The following PIK3R6 variants were observed in gnomAD, a reference collection of about 807,000 sequenced individuals.
PIK3R6 encodes phosphoinositide 3-kinase regulatory subunit 6.
PIK3R6 carries 91 observed loss-of-function variants against 84.9 expected under a neutral mutation model. The observed-to-expected ratio is 1.07, with a 90% CI of 0.90 to 1.28. PIK3R6 has a LOEUF of 1.28. PIK3R6 is among the 50% of genes most tolerant of loss of function. The probability of loss-of-function intolerance (pLI) is 0.00; values close to 1 mark genes in which losing one functional copy is unlikely to be tolerated. For missense variants in PIK3R6, 996 were observed against 985.1 expected, an observed-to-expected ratio of 1.01 and a Z score of -0.15; for synonymous variants, 416 against 411.4, an observed-to-expected ratio of 1.01 and a Z score of -0.13.
intron 1 of PIK3R6, 34 bp from the exon 2 acceptor site, chr17:8,849,919 A>G (rs2088903281): frequency 1.5e-6 from 2 of 1,337,338 alleles, no homozygotes; most frequent in African/African-American, 1.5e-5. Context: ...TAGTGGAAGC[A>G]GTGGGAAGGT....
chr17:8,855,412 ATACTT>A (rs2089111007), intron 1 of PIK3R6, among the ~76,000 whole-genome samples: 1 of 152,198 alleles, frequency 6.6e-6, no homozygotes, highest in South Asian at 2.1e-4. Flanking sequence ...ATCTAAATAA[ATACTT>A]TACTAAAAAA....
At chr17:8,834,931 G>A (rs1232257799) in intron 8 of PIK3R6, among the ~76,000 whole-genome samples, 3 of 151,928 alleles carry the variant, frequency 2.0e-5, no homozygotes, top group African/African-American at 4.8e-5. Flanking sequence ...TCCACTTTCC[G>A]GGTTCAAGCT....
chr17:8,836,896 G>C lies in PIK3R6; in HGVS notation c.286C>G (p.Gln96Glu). 2 of 1,554,976 alleles carry C rather than the reference G, an allele frequency of 1.3e-6. No individual in the cohort carries two copies. Among genetic ancestry groups the C allele is most frequent in the Non-Finnish European group, 1.7e-6 (2 of 1,148,838 alleles). Residue 96 changes from glutamine (Q) to glutamate (E), a missense_variant, in exon 6 of 20, where the codon CAG becomes GAG. Transcript: ENST00000619866. ...KATGITEELY[Q>E]RIYAFCTRLL... ...CTTGTGCAAAAGGCATAGATTCTCT[G>C]GTAGAGCTCTTCTGTGATTCCTGTG...
At chr17:8,863,088 C>T (rs373447458) in intron 1 of PIK3R6, among the ~76,000 whole-genome samples, 2 of 151,946 alleles carry the variant, frequency 1.3e-5, no homozygotes, top group African/African-American at 2.4e-5. Context: ...ATAATTAAAT[C>T]GTATATGATA....
At position 8,862,585 on chromosome 17, in the gene PIK3R6, G is replaced by T. The variant is rs907254532; in HGVS notation, c.-92+4944C>A. ...CCTGGGGGTGGCTGATCTTTCTCGG[G>T]CCGTATCACGGACAGCTAAGGCTGC... On this transcript the variant is annotated intron_variant, in intron 1 of 19. Coordinates refer to ENST00000619866, the MANE Select transcript of PIK3R6 (RefSeq NM_001010855.4). This position sits in a 1 kb window ranked among gnomAD's most constrained non-coding sequence, Gnocchi z 4.3. 1.3e-5 allele frequency among the ~76,000 whole-genome samples: 2 copies of T among 152,114 alleles called. No homozygotes were observed. The highest frequency in any genetic ancestry group is 4.8e-5 in the African/African-American group (2 of 41,426).
At chr17:8,829,017 G>A (rs751753620) in intron 10 of PIK3R6, 27 bp from the exon 11 acceptor site, 1 of 1,488,656 alleles carries the variant, frequency 6.7e-7, no homozygotes, top group East Asian at 2.4e-5. Flanking sequence ...AGGGCGGTGA[G>A]GACACGTGAG....
chr17:8,823,464 G>T lies in PIK3R6; in HGVS notation c.1549C>A (p.Pro517Thr). 1.2e-6 allele frequency: 2 copies of T among 1,612,670 alleles called. No homozygotes were observed. Among genetic ancestry groups the T allele is most frequent in the Non-Finnish European group, 1.7e-6 (2 of 1,179,016 alleles). ...TAGGTGATGACGTCTAGGATGAAGGGGTCCACAGTCCGGGATGTGTCCAGG... is the reference window on the plus strand; with the variant it reads ...TAGGTGATGACGTCTAGGATGAAGGTGTCCACAGTCCGGGATGTGTCCAGG... Reference protein sequence around the residue: ...PSLDTSRTVDPFILDVITYYI... With the variant: ...PSLDTSRTVDTFILDVITYYI... The change falls in exon 14 of 20, where the codon CCC becomes ACC. Residue 517 changes from proline (P) to threonine (T), a missense_variant. Coordinates refer to ENST00000619866, the MANE Select transcript of PIK3R6 (RefSeq NM_001010855.4).
intron 1 of PIK3R6, among the ~76,000 whole-genome samples, chr17:8,855,174 C>G (rs534772079): frequency 2.0e-5 from 3 of 151,440 alleles, no homozygotes; most frequent in African/African-American, 7.3e-5. Context: ...GCCTGGGTGA[C>G]AGAGCGAGAC....
At chr17:8,806,181 T>C (rs1274504535) in intron 18 of PIK3R6, among the ~76,000 whole-genome samples, 1 of 152,192 alleles carries the variant, frequency 6.6e-6, no homozygotes, top group Non-Finnish European at 1.5e-5. Flanking sequence ...CCATAATGAA[T>C]GGAATTGCAC....
chr17:8,803,004 G>A lies in PIK3R6; in HGVS notation c.*269C>T. On this transcript the variant is annotated 3_prime_UTR_variant, in exon 20 of 20. Coordinates refer to ENST00000619866, the MANE Select transcript of PIK3R6 (RefSeq NM_001010855.4). This position sits in a 1 kb window ranked among gnomAD's most constrained non-coding sequence, Gnocchi z 5.0. Reference sequence around the variant, plus strand: ...GGAGAAGTGGGAATTGAAGCTAAATGAAGGAGTAGACATTTGTATGAGAAG... The same window carrying A: ...GGAGAAGTGGGAATTGAAGCTAAATAAAGGAGTAGACATTTGTATGAGAAG... 2.3e-6 allele frequency: 1 copy of A among 440,438 alleles called. No homozygotes were observed. Among genetic ancestry groups the A allele is most frequent in the Non-Finnish European group, 4.1e-6 (1 of 245,262 alleles). The allele number at this position is 440,438 out of a possible 1,614,324, so 27.3% of individuals were successfully genotyped here.
At position 8,803,077 on chromosome 17, in the gene PIK3R6, C is replaced by T. The variant is rs749145530; in HGVS notation, c.*196G>A. The T allele has an allele frequency of 2.0e-5, 12 of 609,190 alleles. No individual in the cohort carries two copies. The highest frequency in any genetic ancestry group is 3.4e-5 in the Non-Finnish European group (12 of 353,922). The allele number at this position is 609,190 out of a possible 1,614,324, so 37.7% of individuals were successfully genotyped here. A position where few individuals can be genotyped will look rare whatever the true frequency, so the allele number is the denominator to read the frequency against. Reference sequence around the variant, plus strand: ...CAAGCAGCGACAGCATTGCCTGGGCCATCCGTAGACCTCCATGTGGGCCCT... The same window carrying T: ...CAAGCAGCGACAGCATTGCCTGGGCTATCCGTAGACCTCCATGTGGGCCCT... On this transcript the variant is annotated 3_prime_UTR_variant, in exon 20 of 20. Transcript: ENST00000619866. This position sits in a 1 kb window ranked among gnomAD's most constrained non-coding sequence, Gnocchi z 5.0.
chr17:8,847,566 C>T (rs1413086131), intron 2 of PIK3R6, among the ~76,000 whole-genome samples: 1 of 151,860 alleles, frequency 6.6e-6, no homozygotes. Context: ...TTTGGGAGGC[C>T]GAGGCAGGTG....
chr17:8,826,606 A>G (rs2087925705), intron 13 of PIK3R6, among the ~76,000 whole-genome samples: 1 of 152,154 alleles, frequency 6.6e-6, no homozygotes, highest in South Asian at 2.1e-4. Context: ...GGAGTGGAAC[A>G]TCACACACCG....
intron 18 of PIK3R6, among the ~76,000 whole-genome samples, chr17:8,813,844 G>C (rs1240476855): frequency 1.3e-5 from 2 of 152,096 alleles, no homozygotes; most frequent in African/African-American, 4.8e-5. Context: ...CTAAGAACTG[G>C]AATAAGGCAA....
rs2088610129 is a variant in PIK3R6 at position 8,839,699 on chromosome 17, T to C, written c.14-2A>G. On this transcript the variant is annotated splice_acceptor_variant, in intron 2 of 19. Transcript: ENST00000619866. LOFTEE classifies it high-confidence loss of function. This position sits in a 1 kb window ranked among gnomAD's most constrained non-coding sequence, Gnocchi z 4.2. Reference sequence around the variant, plus strand: ...TCCTCTGGAGGTCCAGCTCCACATCTGGGCAGTGGTAGGGGTGGGAGGAAA... The same window carrying C: ...TCCTCTGGAGGTCCAGCTCCACATCCGGGCAGTGGTAGGGGTGGGAGGAAA... The C allele has an allele frequency of 6.4e-7, 1 of 1,567,338 alleles. No homozygotes were observed. The highest frequency in any genetic ancestry group is 1.4e-5 in the African/African-American group (1 of 73,928).
At chr17:8,826,337 T>C (rs1252988111) in intron 13 of PIK3R6, among the ~76,000 whole-genome samples, 1 of 152,214 alleles carries the variant, frequency 6.6e-6, no homozygotes, top group Non-Finnish European at 1.5e-5. Flanking sequence ...CGTATGTTTA[T>C]TGTGGCACTA....
At position 8,806,293 on chromosome 17, in the gene PIK3R6, G is replaced by A. The variant is rs554257187; in HGVS notation, c.1996-2140C>T. Among the ~76,000 whole-genome samples, 13 of 152,324 alleles carry A rather than the reference G, an allele frequency of 8.5e-5. No homozygotes were observed. The East Asian group carries it at 1.9e-3, about 23-fold the overall frequency. On this transcript the variant is annotated intron_variant, in intron 18 of 19. Transcript: ENST00000619866. ...GAAGCCTGCACAGTGGTAGCCATGG[G>A]GCCAGCTCTCTGACTCTCAACTTGG...
intron 7 of PIK3R6, 95 bp downstream of exon 7, chr17:8,836,452 C>A: frequency 7.3e-7 from 1 of 1,366,020 alleles, no homozygotes; most frequent in Non-Finnish European, 1.0e-6. Context: ...TCTTCTTAAT[C>A]CAGCCTCCTC....
intron 15 of PIK3R6, 59 bp downstream of exon 15, chr17:8,822,937 T>G: frequency 6.8e-4 from 918 of 1,353,924 alleles, no homozygotes; most frequent in Non-Finnish European, 8.9e-4. Flanking sequence ...GGTGGAAGGA[T>G]GAGAGTTTGG....
Sources: gnomAD v4.1 joint callset for allele counts (sites outside exome capture counted in the v4.1 genomes callset) on GRCh38, gnomAD v4.1.1 for gene constraint, Gnocchi (gnomAD v3.1) non-coding constraint, MANE v1.5 for transcripts, NCBI Gene and HGNC (gene_info 2026-07-23, HGNC 2026-07-21) for gene names.